CCDC171: variants seen among roughly 807,000 people sequenced by gnomAD.
CCDC171 encodes the protein coiled-coil domain containing 171.
A neutral mutation model predicts 168.2 loss-of-function variants in CCDC171; 177 were observed. That is an observed-to-expected ratio of 1.05 (90% CI 0.93 to 1.19). The LOEUF (loss-of-function observed/expected upper bound fraction) is 1.19. Ranked by LOEUF, CCDC171 falls within the 50% of genes most tolerant of loss-of-function variation. The probability of loss-of-function intolerance (pLI) is 0.00; values close to 1 mark genes in which losing one functional copy is unlikely to be tolerated. For synonymous variants in CCDC171, 687 were observed against 540.8 expected (o/e 1.27, Z -3.75); for missense variants, 1,991 against 1,539.0 (o/e 1.29, Z -4.91).
chr9:15,670,161 C>T (rs149420695), intron 9 of CCDC171, among the ~76,000 whole-genome samples: 41 of 152,166 alleles, frequency 2.7e-4, no homozygotes, highest in African/African-American at 9.9e-4. Flanking sequence ...AGTTTAGCAG[C>T]ATGGTAGGAG....
rs1003377355 is a variant in CCDC171 at position 15,880,800 on chromosome 9, G to A, written c.3600+6137G>A. Among the ~76,000 whole-genome samples, 3 of 151,986 alleles carry A rather than the reference G, an allele frequency of 2.0e-5. No individual in the cohort carries two copies. The East Asian group carries it at 5.8e-4, about 29-fold the overall frequency. On this transcript the variant is annotated intron_variant, in intron 24 of 25. Transcript: ENST00000380701. ...CCAAAATAAAAATATCTTTTACATT[G>A]AAAAATATTAAATAATTTTTTAATT...
At chr9:16,020,054 CCT>C (rs1226766229) in intron 3 of CCDC171, among the ~76,000 whole-genome samples, 5 of 152,330 alleles carry the variant, frequency 3.3e-5, no homozygotes, top group African/African-American at 4.8e-5. Flanking sequence ...GTAGTACTGA[CCT>C]CTCTACTGGC....
intron 8 of CCDC171, among the ~76,000 whole-genome samples, chr9:15,659,751 T>A (rs1015020462): frequency 6.6e-6 from 1 of 152,186 alleles, no homozygotes; most frequent in African/African-American, 2.4e-5. Context: ...ATGGTGGGAT[T>A]GCCAAAATCA....
intron 7 of CCDC171, among the ~76,000 whole-genome samples, chr9:15,653,615 A>G (rs976077183): frequency 1.3e-5 from 2 of 152,182 alleles, no homozygotes; most frequent in African/African-American, 4.8e-5. Flanking sequence ...TTCAACAGTT[A>G]TCAGCTTATG....
chr9:15,780,725 T>G (rs1299548385), intron 20 of CCDC171, among the ~76,000 whole-genome samples: 1 of 152,216 alleles, frequency 6.6e-6, no homozygotes, highest in African/African-American at 2.4e-5. Context: ...TAAATATATG[T>G]ATACATGTAT....
At chr9:15,837,852 C>G (rs1035272056) in intron 21 of CCDC171, among the ~76,000 whole-genome samples, 1 of 152,182 alleles carries the variant, frequency 6.6e-6, no homozygotes, top group Admixed American at 6.6e-5. Context: ...TTTTAGAAAG[C>G]CTTTTAGAAA....
intron 4 of CCDC171, among the ~76,000 whole-genome samples, chr9:15,589,908 A>T (rs984945596): frequency 6.6e-6 from 1 of 152,228 alleles, no homozygotes; most frequent in African/African-American, 2.4e-5. Flanking sequence ...ACAGAAATGT[A>T]TGATAAATCA....
At chr9:16,034,375 T>C (rs779241274) in intron 6 of CCDC171, among the ~76,000 whole-genome samples, 10 of 152,236 alleles carry the variant, frequency 6.6e-5, no homozygotes, top group Admixed American at 3.3e-4. Context: ...CTGCACATTC[T>C]TGTACTAGAA....
intron 16 of CCDC171, among the ~76,000 whole-genome samples, chr9:15,731,287 C>G (rs536082296): frequency 2.0e-5 from 3 of 152,136 alleles, no homozygotes; most frequent in African/African-American, 7.2e-5. Context: ...ACATAAACAC[C>G]CATGTGATCA....
intron 24 of CCDC171, among the ~76,000 whole-genome samples, chr9:15,912,597 G>A (rs998445857): frequency 2.6e-5 from 4 of 152,076 alleles, no homozygotes; most frequent in African/African-American, 4.8e-5. Context: ...GGGGTGAGAG[G>A]GCATCCTTGT....
chr9:15,937,626 G>A (rs1450307310), intron 25 of CCDC171, among the ~76,000 whole-genome samples: 1 of 151,856 alleles, frequency 6.6e-6, no homozygotes, highest in Non-Finnish European at 1.5e-5. Flanking sequence ...AAAGCACACT[G>A]GGGAGTTGAA....
At chr9:15,831,155 G>T (rs1479672904) in intron 21 of CCDC171, among the ~76,000 whole-genome samples, 1 of 151,556 alleles carries the variant, frequency 6.6e-6, no homozygotes, top group South Asian at 2.1e-4. Context: ...TGTATTTTTA[G>T]TAGAGACGGA....
chr9:15,698,927 C>G (rs2051447561), intron 11 of CCDC171, among the ~76,000 whole-genome samples: 2 of 152,152 alleles, frequency 1.3e-5, no homozygotes, highest in Admixed American at 6.5e-5. Context: ...GTGAATAATA[C>G]TCTAGTTTAT....
chr9:15,786,537 C>G lies in CCDC171; in HGVS notation c.3267+1843C>G, dbSNP rs549360463. Among the ~76,000 whole-genome samples, 6 of 152,146 alleles carry G rather than the reference C, an allele frequency of 3.9e-5. No homozygotes were observed. The South Asian group carries it at 1.2e-3, about 32-fold the overall frequency. ...TATACATATTGTTTTTTACTTACTT[C>G]AAACACCATGTCAAGGATTTCTTTC... On this transcript the variant is annotated intron_variant, in intron 21 of 25. Coordinates refer to ENST00000380701, the MANE Select transcript of CCDC171 (RefSeq NM_173550.4).
chr9:15,967,396 T>G (rs1201484399), intron 25 of CCDC171, among the ~76,000 whole-genome samples: 1 of 152,220 alleles, frequency 6.6e-6, no homozygotes, highest in African/African-American at 2.4e-5. Context: ...TGAAGCCACA[T>G]CATCTAAATT....
At chr9:15,976,292 T>C (rs904758935), downstream of CCDC171, among the ~76,000 whole-genome samples, 1 of 152,206 alleles carries the variant, frequency 6.6e-6, no homozygotes, top group African/African-American at 2.4e-5. Context: ...GAAAATGTTC[T>C]TTCTTTTAAA....
chr9:15,780,393 A>G (rs1487231616), intron 20 of CCDC171, among the ~76,000 whole-genome samples: 1 of 151,756 alleles, frequency 6.6e-6, no homozygotes, highest in African/African-American at 2.4e-5. Flanking sequence ...TATTAAGAAG[A>G]AAGTTTAGAC....
chr9:15,747,818 C>A (rs1480882547), intron 18 of CCDC171, among the ~76,000 whole-genome samples: 1 of 152,110 alleles, frequency 6.6e-6, no homozygotes, highest in African/African-American at 2.4e-5. Context: ...GCTGCAAATT[C>A]CAAAAACCAG....
At chr9:15,563,554 G>A (rs569935080) in intron 1 of CCDC171, among the ~76,000 whole-genome samples, 5 of 152,264 alleles carry the variant, frequency 3.3e-5, no homozygotes, top group African/African-American at 7.2e-5. Context: ...AGTGCTTGAC[G>A]CTGTAGTAGG....
Sources: allele counts gnomAD v4.1 joint callset (sites outside exome capture counted in the v4.1 genomes callset), GRCh38; gene constraint gnomAD v4.1.1; transcripts MANE v1.5; gene names NCBI Gene and HGNC (gene_info 2026-07-23, HGNC 2026-07-21).